The following CCNC variants were observed in gnomAD, a reference collection of about 807,000 sequenced individuals.
CCNC encodes the protein cyclin C, also known as cyclin-C.
A neutral mutation model predicts 50.0 loss-of-function variants in CCNC; 19 were observed. The observed-to-expected ratio is 0.38, with a 90% CI of 0.27 to 0.56. The LOEUF (loss-of-function observed/expected upper bound fraction) is 0.56, where lower values mean the gene tolerates loss of function less well. Ranked by LOEUF, CCNC falls within the 20% of genes least tolerant of loss-of-function variation. The pLI is 0.72. For missense variants in CCNC, 200 were observed against 327.1 expected (o/e 0.61, Z 3.00); for synonymous variants, 93 against 103.7 (o/e 0.90, Z 0.63).
chr6:99,566,078 T>G (rs189448941), intron 1 of CCNC, among the ~76,000 whole-genome samples: 33 of 152,122 alleles, frequency 2.2e-4, no homozygotes, highest in African/African-American at 6.3e-4. Context: ...GCTTTCAAAT[T>G]TAAAACCCTG....
rs149367439 is a variant in CCNC, at chr6:99,549,147, ATTTG to A, written c.598+357_598+360del. 9.2e-5 allele frequency among the ~76,000 whole-genome samples: 14 copies of A among 152,290 alleles called. 1 individual carries two copies. Among genetic ancestry groups the A allele is most frequent in the South Asian group, 2.1e-4 (1 of 4,830 alleles). ...ATGCTCCTTTACTCAACCTCTGAGT[ATTTG>A]TTTGGGCTCAGGATATGAAAGCCCC... is the stretch of plus-strand genomic sequence containing the variant. On this transcript the variant is annotated intron_variant, in intron 9 of 11. Coordinates refer to ENST00000520429, the MANE Select transcript of CCNC (RefSeq NM_005190.4).
At chr6:99,551,647 G>A (rs994190223) in intron 6 of CCNC, among the ~76,000 whole-genome samples, 193 bp downstream of exon 6, 1 of 151,964 alleles carries the variant, frequency 6.6e-6, no homozygotes, top group Non-Finnish European at 1.5e-5. Flanking sequence ...GAGCAGCCAG[G>A]GTTGATAATC....
At chr6:99,545,769 A>G (rs1467334275) in intron 10 of CCNC, among the ~76,000 whole-genome samples, 1 of 152,210 alleles carries the variant, frequency 6.6e-6, no homozygotes, top group Non-Finnish European at 1.5e-5. Context: ...AGCTAGAAAC[A>G]CAGCAAAAGC....
At chr6:99,544,797 A>G (rs1802012846) in intron 11 of CCNC, among the ~76,000 whole-genome samples, 1 of 151,600 alleles carries the variant, frequency 6.6e-6, no homozygotes, top group African/African-American at 2.4e-5. Context: ...TGAAACTACT[A>G]TAGTTCTGAA....
intron 8 of CCNC, among the ~76,000 whole-genome samples, chr6:99,549,989 T>A (rs1802225104): frequency 6.6e-6 from 1 of 152,180 alleles, no homozygotes; most frequent in Non-Finnish European, 1.5e-5. Flanking sequence ...GTGTTTTGTA[T>A]AAAATTAAAT....
At chr6:99,567,629 A>G (rs1277862073) in intron 1 of CCNC, among the ~76,000 whole-genome samples, 1 of 152,220 alleles carries the variant, frequency 6.6e-6, no homozygotes, top group East Asian at 1.9e-4. Context: ...TTACTTACTA[A>G]TGCTTTCTTA....
rs1802639671 is a variant in CCNC at position 99,558,481 on chromosome 6, T to C, written c.346+16A>G. ...TAGAATTACATCCTTAAAGCAGATA[T>C]ACTTTTTGCACTTACATACAGAAGT... On this transcript the variant is annotated intron_variant, in intron 5 of 11. Transcript: ENST00000520429. The C allele has an allele frequency of 4.3e-6, 7 of 1,611,496 alleles. No individual in the cohort carries two copies. Among genetic ancestry groups the C allele is most frequent in the South Asian group, 2.2e-5 (2 of 90,586 alleles).
chr6:99,556,601 A>G (rs879599842), intron 5 of CCNC, among the ~76,000 whole-genome samples: 7 of 152,136 alleles, frequency 4.6e-5, no homozygotes, highest in Non-Finnish European at 7.3e-5. Flanking sequence ...GGTCAGATTT[A>G]CCTTCCTAAT....
chr6:99,567,265 A>C (rs990625296), intron 1 of CCNC, among the ~76,000 whole-genome samples: 1 of 152,132 alleles, frequency 6.6e-6, no homozygotes, highest in African/African-American at 2.4e-5. Flanking sequence ...AGTTTATCAG[A>C]ATATCTCTTC....
At chr6:99,555,792 C>A (rs992333945) in intron 5 of CCNC, among the ~76,000 whole-genome samples, 3 of 152,142 alleles carry the variant, frequency 2.0e-5, no homozygotes, top group Non-Finnish European at 4.4e-5. Context: ...GCTGGCCTCA[C>A]ATTTTTAAGA....
In CCNC at chr6:99,560,232, A is replaced by G. The variant is rs114866505; in HGVS notation, c.294+1135T>C. ...AAGAGACTTTAAATTATTACATGGT[A>G]ATATTTAAATAAAATCAAATATTAC... is the stretch of plus-strand genomic sequence containing the variant. On this transcript the variant is annotated intron_variant, in intron 4 of 11. Coordinates refer to ENST00000520429, the MANE Select transcript of CCNC (RefSeq NM_005190.4). Among the ~76,000 whole-genome samples, 959 of 152,308 alleles carry G rather than the reference A, an allele frequency of 6.3e-3. 15 individuals are homozygous for G. The highest frequency in any genetic ancestry group is 0.022 in the African/African-American group (913 of 41,566).
Position 99,561,633 on chromosome 6 carries a change from G to A in CCNC, c.188C>T (p.Ala63Val), listed in dbSNP as rs1802785989. ...TCTCTTGAAATATACCGTAGCAGTGGCAATAACTTGTTGTCTTAATTTAAG... is the reference window on the plus strand; with the variant it reads ...TCTCTTGAAATATACCGTAGCAGTGACAATAACTTGTTGTCTTAATTTAAG... ...EHLKLRQQVI[A>V]TATVYFKRFY... Residue 63 changes from alanine (A) to valine (V), a missense_variant, in exon 3 of 12, where the codon GCC becomes GTC. Physicochemically the swap from Ala to Val is moderately conservative, Grantham distance 64. Transcript: ENST00000520429. The A allele has an allele frequency of 6.2e-7, 1 of 1,610,154 alleles. No homozygotes were observed. The highest frequency in any genetic ancestry group is 1.1e-5 in the South Asian group (1 of 90,592).
intron 4 of CCNC, among the ~76,000 whole-genome samples, chr6:99,558,800 G>A (rs1802653293): frequency 6.6e-6 from 1 of 152,102 alleles, no homozygotes; most frequent in African/African-American, 2.4e-5. Flanking sequence ...AATCTGAAAT[G>A]CAAAATGTTC....
At chr6:99,552,359 G>A (rs1802335046) in intron 5 of CCNC, among the ~76,000 whole-genome samples, 1 of 152,002 alleles carries the variant, frequency 6.6e-6, no homozygotes, top group Non-Finnish European at 1.5e-5. Flanking sequence ...TGAGATTTAA[G>A]AACTTTTTAC....
Position 99,561,443 on chromosome 6 carries a change from T to G in CCNC, c.225-7A>C. 6.5e-7 allele frequency: 1 copy of G among 1,542,064 alleles called. No individual in the cohort carries two copies. ...TATACTTTTCAGAGAATACCTAAAA[T>G]ATGATAAAACAAAGTTAAATATCAT... On this transcript the variant is annotated splice_polypyrimidine_tract_variant and splice_region_variant and intron_variant, in intron 3 of 11. Transcript: ENST00000520429.
intron 4 of CCNC, among the ~76,000 whole-genome samples, chr6:99,560,322 A>G (rs1203666071): frequency 1.3e-5 from 2 of 152,200 alleles, no homozygotes; most frequent in Non-Finnish European, 2.9e-5. Flanking sequence ...TGCCTTCTTA[A>G]ACTACCACTC....
intron 11 of CCNC, among the ~76,000 whole-genome samples, chr6:99,544,583 T>C (rs760506107): frequency 1.3e-5 from 2 of 152,076 alleles, no homozygotes; most frequent in Non-Finnish European, 2.9e-5. Context: ...AAAAACCCTC[T>C]TAGCACAGGT....
intron 5 of CCNC, among the ~76,000 whole-genome samples, chr6:99,556,912 C>T (rs755719735): frequency 1.3e-5 from 2 of 152,222 alleles, no homozygotes; most frequent in Non-Finnish European, 2.9e-5. Flanking sequence ...CTGAGCGAGA[C>T]TCCATCTCAA....
At chr6:99,544,071 T>C in intron 11 of CCNC, 1 of 1,301,906 alleles carries the variant, frequency 7.7e-7, no homozygotes, top group Non-Finnish European at 9.9e-7. Flanking sequence ...CATATATAAA[T>C]ACAGCAAACC....
Sources: gnomAD v4.1 joint callset for allele counts (sites outside exome capture counted in the v4.1 genomes callset) on GRCh38, gnomAD v4.1.1 for gene constraint, MANE v1.5 for transcripts, NCBI Gene and HGNC (gene_info 2026-07-23, HGNC 2026-07-21) for gene names.